PMFBP1: variants seen among roughly 807,000 people sequenced by gnomAD.
PMFBP1 encodes polyamine-modulated factor 1-binding protein 1.
A neutral mutation model predicts 137.8 loss-of-function variants in PMFBP1; 131 were observed. The ratio of observed to expected loss-of-function variants is 0.95; its 90% CI spans 0.82 to 1.10. The LOEUF (loss-of-function observed/expected upper bound fraction) is 1.10, where lower values mean the gene tolerates loss of function less well. Ranked by LOEUF, PMFBP1 falls within the 50% of genes least tolerant of loss-of-function variation. The pLI, the probability that PMFBP1 is intolerant of heterozygous loss-of-function variation, is 0.00. For synonymous variants in PMFBP1, 490 were observed against 450.4 expected (o/e 1.09, Z -1.11); for missense variants, 1,199 against 1,175.4 (o/e 1.02, Z -0.29).
intron 14 of PMFBP1, among the ~76,000 whole-genome samples, chr16:72,127,298 A>AT (rs2042476731): frequency 2.0e-5 from 3 of 152,176 alleles, no homozygotes; most frequent in Admixed American, 2.0e-4. Context: ...CTGACACCAT[A>AT]TTTTACATGC....
chr16:72,164,466 T>C (rs1409087666), intron 3 of PMFBP1: 1 of 1,395,528 alleles, frequency 7.2e-7, no homozygotes. Context: ...CACTATGATC[T>C]GATATTTTCA....
At chr16:72,124,079 G>A (rs771385046) in intron 17 of PMFBP1, among the ~76,000 whole-genome samples, 7 of 152,152 alleles carry the variant, frequency 4.6e-5, no homozygotes, top group East Asian at 1.9e-4. Context: ...GCATGATCAC[G>A]GCTCATGGCA....
chr16:72,165,500 C>T (rs1306058041), intron 2 of PMFBP1, among the ~76,000 whole-genome samples: 3 of 151,828 alleles, frequency 2.0e-5, no homozygotes, highest in Non-Finnish European at 4.4e-5. Flanking sequence ...CTGCAAGCTC[C>T]GCCTCCCGGG....
chr16:72,212,518 C>G, the PMFBP1 span, among the ~76,000 whole-genome samples: 1 of 150,866 alleles, frequency 6.6e-6, no homozygotes, highest in African/African-American at 2.4e-5. Flanking sequence ...ATGTGACAGA[C>G]CACATGTGGC....
intron 12 of PMFBP1, 34 bp downstream of exon 12, chr16:72,130,179 G>A (rs376267549): frequency 1.0e-5 from 16 of 1,606,308 alleles, no homozygotes; most frequent in Non-Finnish European, 1.3e-5. Context: ...AGCAGAGCAA[G>A]CACTTGAATG....
chr16:72,130,165 C>G (rs1412280937), intron 12 of PMFBP1, 48 bp downstream of exon 12: 8 of 1,602,300 alleles, frequency 5.0e-6, no homozygotes, highest in Non-Finnish European at 6.8e-6. Flanking sequence ...TGTGTTTTAT[C>G]TTAAGCAGAG....
chr16:72,154,352 C>A lies in PMFBP1; in HGVS notation c.273G>T (p.Leu91=). ...RQLQQLKKKL[L]VLQQELEFHT... ...GAAACTCCAGTTCTTGTTGAAGGAC[C>A]AGCAATTTTTTCTTCAGTTGCTGGA... The change falls in exon 4 of 21, where the codon CTG becomes CTT. Residue 91 remains leucine (L), a synonymous_variant. Coordinates refer to ENST00000237353, the MANE Select transcript of PMFBP1 (RefSeq NM_031293.3). 1 of 1,614,140 alleles carries A rather than the reference C, an allele frequency of 6.2e-7. No homozygotes were observed. Among genetic ancestry groups the A allele is most frequent in the Non-Finnish European group, 8.5e-7 (1 of 1,180,018 alleles).
intron 5 of PMFBP1, among the ~76,000 whole-genome samples, chr16:72,144,578 C>T (rs894632999): frequency 7.2e-5 from 11 of 151,984 alleles, no homozygotes; most frequent in African/African-American, 7.2e-5. Context: ...TAATAAAATT[C>T]GAGCCTTATG....
the PMFBP1 span, among the ~76,000 whole-genome samples, chr16:72,220,586 T>C: frequency 6.6e-6 from 1 of 152,218 alleles, no homozygotes; most frequent in Non-Finnish European, 1.5e-5. Flanking sequence ...AAACATTTAA[T>C]GACTATTTAA....
intron 2 of PMFBP1, among the ~76,000 whole-genome samples, chr16:72,169,662 G>A (rs2043193404): frequency 7.4e-6 from 1 of 134,360 alleles, no homozygotes; most frequent in South Asian, 2.6e-4. Context: ...ATTATGAAAT[G>A]TAAGAAAGAT....
the PMFBP1 span, among the ~76,000 whole-genome samples, chr16:72,232,133 T>C: frequency 6.6e-6 from 1 of 152,196 alleles, no homozygotes; most frequent in South Asian, 2.1e-4. Flanking sequence ...GACTATAATG[T>C]TCACTGTATT....
intron 18 of PMFBP1, among the ~76,000 whole-genome samples, chr16:72,123,271 G>A (rs2042403525): frequency 6.6e-6 from 1 of 152,282 alleles, no homozygotes; most frequent in East Asian, 1.9e-4. Context: ...ATGGGAGGAG[G>A]ATATCTGAGC....
At position 72,125,374 on chromosome 16, in the gene PMFBP1, AG is replaced by A; in HGVS notation, c.2284del (p.Leu762CysfsTer5). 6.2e-7 allele frequency: 1 copy of A among 1,612,922 alleles called. No homozygotes were observed. The highest frequency in any genetic ancestry group is 1.3e-5 in the African/African-American group (1 of 74,816). On this transcript the variant is annotated frameshift_variant, in exon 16 of 21. Transcript: ENST00000237353. LOFTEE classifies it high-confidence loss of function. ...LNHVTSETKS[L>X]QQSLTQTQEK... ...TTGGGTCTGTGTCAAGCTTTGCTGC[AG>A]GCTCTTTGTCTCTGAGGTCACGTGA... is the stretch of plus-strand genomic sequence containing the variant.
At chr16:72,225,932 C>T in the PMFBP1 span, among the ~76,000 whole-genome samples, 3 of 112,716 alleles carry the variant, frequency 2.7e-5, no homozygotes, top group Non-Finnish European at 6.1e-5. Flanking sequence ...TGCACACTCA[C>T]AGACACACAC....
At chr16:72,194,765 T>C in the PMFBP1 span, among the ~76,000 whole-genome samples, 2 of 152,192 alleles carry the variant, frequency 1.3e-5, no homozygotes, top group African/African-American at 4.8e-5. Flanking sequence ...TAAGGCACTG[T>C]TGGTGTTCTA....
the PMFBP1 span, among the ~76,000 whole-genome samples, chr16:72,195,784 C>T: frequency 2.0e-5 from 3 of 152,258 alleles, no homozygotes; most frequent in Non-Finnish European, 4.4e-5. Context: ...TGCTGTCCCA[C>T]ACAAAGGCTG....
intron 5 of PMFBP1, among the ~76,000 whole-genome samples, chr16:72,150,171 G>A (rs2042880168): frequency 6.6e-6 from 1 of 152,170 alleles, no homozygotes; most frequent in Non-Finnish European, 1.5e-5. Flanking sequence ...GCCTAGCAGA[G>A]CCCCCTGCCG....
the PMFBP1 span, among the ~76,000 whole-genome samples, chr16:72,188,220 G>C: frequency 6.6e-6 from 1 of 152,212 alleles, no homozygotes; most frequent in African/African-American, 2.4e-5. Context: ...AGAGGTGAGA[G>C]ATTTTTCCAA....
chr16:72,201,146 T>G, the PMFBP1 span, among the ~76,000 whole-genome samples: 1 of 152,176 alleles, frequency 6.6e-6, no homozygotes, highest in Non-Finnish European at 1.5e-5. Context: ...CTTTCCCAGC[T>G]CTTCCCCCCT....
Sources: allele counts gnomAD v4.1 joint callset (sites outside exome capture counted in the v4.1 genomes callset), GRCh38; gene constraint gnomAD v4.1.1; transcripts MANE v1.5; gene names NCBI Gene and HGNC (gene_info 2026-07-23, HGNC 2026-07-21).